The following PTGER2 variants were observed in gnomAD, a reference collection of about 807,000 sequenced individuals.
PTGER2 encodes prostaglandin E2 receptor EP2 subtype.
In PTGER2, 22 loss-of-function variants were observed where a neutral mutation model predicts 26.2. The observed-to-expected ratio is 0.84, with a 90% CI of 0.60 to 1.20. The LOEUF (loss-of-function observed/expected upper bound fraction) is 1.20, where lower values mean the gene tolerates loss of function less well. PTGER2 is among the 50% of genes most tolerant of loss of function. The pLI, the probability that PTGER2 is intolerant of heterozygous loss-of-function variation, is 0.00. For synonymous variants in PTGER2, 219 were observed against 208.9 expected, an observed-to-expected ratio of 1.05 and a Z score of -0.42; for missense variants, 458 against 475.2, an observed-to-expected ratio of 0.96 and a Z score of 0.34.
intron 1 of PTGER2, among the ~76,000 whole-genome samples, chr14:52,315,877 C>T (rs908745506): frequency 2.6e-5 from 4 of 152,190 alleles, no homozygotes; most frequent in African/African-American, 9.6e-5. Flanking sequence ...ATGTAGTACC[C>T]AACCCATAGC....
At chr14:52,327,180 G>C in intron 1 of PTGER2, 41 bp from the exon 2 acceptor site, 1 of 1,405,318 alleles carries the variant, frequency 7.1e-7, no homozygotes, top group Non-Finnish European at 1.0e-6. Flanking sequence ...CTACTGCTAC[G>C]ATGTAAAACT....
chr14:52,319,487 G>A (rs1328071494), intron 1 of PTGER2, among the ~76,000 whole-genome samples: 6 of 152,158 alleles, frequency 3.9e-5, no homozygotes, highest in African/African-American at 1.4e-4. Flanking sequence ...AATTCTGCAT[G>A]GAACCAACAA....
intron 1 of PTGER2, among the ~76,000 whole-genome samples, chr14:52,320,093 A>G (rs1199818941): frequency 6.6e-6 from 1 of 152,228 alleles, no homozygotes; most frequent in Non-Finnish European, 1.5e-5. Flanking sequence ...GTATAACCAC[A>G]ATGAACTTTG....
At chr14:52,324,556 A>G (rs1376495593) in intron 1 of PTGER2, among the ~76,000 whole-genome samples, 1 of 152,258 alleles carries the variant, frequency 6.6e-6, no homozygotes, top group Non-Finnish European at 1.5e-5. Flanking sequence ...TCTCCCAGCC[A>G]AGAAGAATTT....
chr14:52,314,439 G>C lies in PTGER2; in HGVS notation c.-110G>C. ...GTGCGGGAAGGGGGCTCTGGATTTCGGTCCCTCCCCTTTTTCCTCTGAGTC... is the reference window on the plus strand; with the variant it reads ...GTGCGGGAAGGGGGCTCTGGATTTCCGTCCCTCCCCTTTTTCCTCTGAGTC... On this transcript the variant is annotated 5_prime_UTR_variant, in exon 1 of 2. Coordinates refer to ENST00000245457, the MANE Select transcript of PTGER2 (RefSeq NM_000956.4). This position sits in a 1 kb window ranked among gnomAD's most constrained non-coding sequence, Gnocchi z 5.7. 1 of 1,231,406 alleles carries C rather than the reference G, an allele frequency of 8.1e-7. No individual in the cohort carries two copies. Among genetic ancestry groups the C allele is most frequent in the East Asian group, 2.9e-5 (1 of 34,544 alleles). 76.3% of individuals were successfully genotyped at this position (1,231,406 alleles called of 1,614,324 possible). A position where few individuals can be genotyped will look rare whatever the true frequency, so the allele number is the denominator to read the frequency against.
At position 52,328,532 on chromosome 14, in the gene PTGER2, ACT is replaced by A. The variant is rs2140042478; in HGVS notation, c.*1079_*1080del. 1 of 152,340 alleles carries A rather than the reference ACT, an allele frequency of 6.6e-6. No individual in the cohort carries two copies. Among genetic ancestry groups the A allele is most frequent in the African/African-American group, 2.4e-5 (1 of 41,596 alleles). 9.4% of individuals were successfully genotyped at this position (152,340 alleles called of 1,614,324 possible). A position where few individuals can be genotyped will look rare whatever the true frequency, so the allele number is the denominator to read the frequency against. On this transcript the variant is annotated 3_prime_UTR_variant, in exon 2 of 2. Coordinates refer to ENST00000245457, the MANE Select transcript of PTGER2 (RefSeq NM_000956.4). ...CATCAAAATATTTCAGTGAATTTGC[ACT>A]GTTTAATCATAGTTACTGTGTAAAC...
chr14:52,325,870 C>CTTT (rs2033944836), intron 1 of PTGER2, among the ~76,000 whole-genome samples: 1 of 152,206 alleles, frequency 6.6e-6, no homozygotes, highest in East Asian at 1.9e-4. Context: ...CTGCAATTTG[C>CTTT]TTTGTATATC....
intron 1 of PTGER2, among the ~76,000 whole-genome samples, chr14:52,318,688 G>A (rs1495794): frequency 0.068 from 10,374 of 152,170 alleles, 440 homozygotes; most frequent in African/African-American, 0.12. Flanking sequence ...GGAAATGGGG[G>A]AATTCAGAAA....
rs759129469 is a variant in PTGER2, at chr14:52,315,082, C to T, written c.534C>T (p.Tyr178=). Residue 178 remains tyrosine, a synonymous_variant, in exon 1 of 2, where the codon TAC becomes TAT. Coordinates refer to ENST00000245457, the MANE Select transcript of PTGER2 (RefSeq NM_000956.4). ...CSLPLLDYGQ[Y]VQYCPGTWCF... ...TGCCGCTGCTGGACTATGGGCAGTACGTCCAGTACTGCCCCGGGACCTGGT... is the reference window on the plus strand; with the variant it reads ...TGCCGCTGCTGGACTATGGGCAGTATGTCCAGTACTGCCCCGGGACCTGGT... 1.5e-5 allele frequency: 24 copies of T among 1,611,212 alleles called. No homozygotes were observed. The highest frequency in any genetic ancestry group is 3.3e-5 in the Admixed American group (2 of 59,942).
rs889589599 is a variant in PTGER2 at position 52,314,949 on chromosome 14, G to A, written c.401G>A (p.Arg134His). The A allele has an allele frequency of 3.7e-6, 6 of 1,612,972 alleles. No homozygotes were observed. The East Asian group carries it at 1.1e-4, about 30-fold the overall frequency. The change falls in exon 1 of 2, where the codon CGC (arginine) becomes CAC (histidine). Residue 134 changes from arginine (R) to histidine (H), a missense_variant. Arg to His is a conservative substitution (Grantham distance 29, BLOSUM62 0). Coordinates refer to ENST00000245457, the MANE Select transcript of PTGER2 (RefSeq NM_000956.4). This position sits in a 1 kb window ranked among gnomAD's most constrained non-coding sequence, Gnocchi z 5.7. ...MLMLFAMALE[R>H]YLSIGHPYFY... ...ATGCTCTTCGCCATGGCCCTGGAGC[G>A]CTACCTCTCGATCGGGCACCCCTAC... is the stretch of plus-strand genomic sequence containing the variant.
In PTGER2 at chr14:52,320,587, G is replaced by T. The variant is rs150720137; in HGVS notation, c.843+5196G>T. On this transcript the variant is annotated intron_variant, in intron 1 of 1. Coordinates refer to ENST00000245457, the MANE Select transcript of PTGER2 (RefSeq NM_000956.4). ...TGAACAGGTCTCTTTCCAGCTAGAGGCTTAAGACCCAGTTCATCTGCAACT... is the reference window on the plus strand; with the variant it reads ...TGAACAGGTCTCTTTCCAGCTAGAGTCTTAAGACCCAGTTCATCTGCAACT... Among the ~76,000 whole-genome samples the T allele has an allele frequency of 3.1e-3, 474 of 152,276 alleles. 4 individuals carry two copies. The highest frequency in any genetic ancestry group is 0.011 in the African/African-American group (450 of 41,554).
At chr14:52,324,647 AG>A (rs2033930725) in intron 1 of PTGER2, among the ~76,000 whole-genome samples, 2 of 152,250 alleles carry the variant, frequency 1.3e-5, no homozygotes, top group African/African-American at 2.4e-5. Flanking sequence ...TTTAATGTAT[AG>A]CTGAAAATGG....
intron 1 of PTGER2, among the ~76,000 whole-genome samples, chr14:52,315,678 C>T (rs750893185): frequency 9.2e-5 from 14 of 152,174 alleles, no homozygotes; most frequent in Non-Finnish European, 1.0e-4. Flanking sequence ...CTCATCCTAG[C>T]CCTGGGCAGT....
In PTGER2 at chr14:52,321,315, T is replaced by G. The variant is rs143571651; in HGVS notation, c.844-5906T>G. 3.2e-4 allele frequency among the ~76,000 whole-genome samples: 48 copies of G among 152,260 alleles called. 1 individual carries two copies. In the East Asian group the frequency reaches 6.9e-3, roughly 22 times the overall value. ...AGTCTATAGTCAGGACACCTTAGTG[T>G]CTTTCAGAAGGCAGGTAAACATATA... On this transcript the variant is annotated intron_variant, in intron 1 of 1. Transcript: ENST00000245457.
At position 52,314,761 on chromosome 14, in the gene PTGER2, G is replaced by A. The variant is rs1231742255; in HGVS notation, c.213G>A (p.Val71=). 4 of 1,603,670 alleles carry A rather than the reference G, an allele frequency of 2.5e-6. No homozygotes were observed. Among genetic ancestry groups the A allele is most frequent in the Admixed American group, 3.4e-5 (2 of 59,644 alleles). The part of the protein sequence containing the change: ...RSSLSLFHVL[V]TELVFTDLLG... Reference sequence around the variant, plus strand: ...CCCTCTCCTTGTTCCACGTGCTGGTGACCGAGCTGGTGTTCACCGACCTGC... The same window carrying A: ...CCCTCTCCTTGTTCCACGTGCTGGTAACCGAGCTGGTGTTCACCGACCTGC... The change falls in exon 1 of 2, where the codon GTG becomes GTA. Residue 71 remains valine, a synonymous_variant. Coordinates refer to ENST00000245457, the MANE Select transcript of PTGER2 (RefSeq NM_000956.4). The surrounding 1 kb of genome is among the most constrained non-coding windows in gnomAD (Gnocchi z 5.7).
chr14:52,317,859 A>C (rs1354650764), intron 1 of PTGER2, among the ~76,000 whole-genome samples: 1 of 152,238 alleles, frequency 6.6e-6, no homozygotes, highest in African/African-American at 2.4e-5. Context: ...ACAAAATGGA[A>C]ATTGGAAGCA....
At chr14:52,316,746 T>C (rs2033844995) in intron 1 of PTGER2, among the ~76,000 whole-genome samples, 1 of 152,204 alleles carries the variant, frequency 6.6e-6, no homozygotes, top group African/African-American at 2.4e-5. Flanking sequence ...CGTTCTCTTC[T>C]CCCTGGTCCC....
intron 1 of PTGER2, among the ~76,000 whole-genome samples, chr14:52,326,179 A>G (rs1254677581): frequency 6.6e-6 from 1 of 152,216 alleles, no homozygotes; most frequent in Non-Finnish European, 1.5e-5. Flanking sequence ...GAGGGCTGGT[A>G]GAGCAGTTTG....
In PTGER2 at chr14:52,327,760, G is replaced by T; in HGVS notation, c.*306G>T. On this transcript the variant is annotated 3_prime_UTR_variant, in exon 2 of 2. Coordinates refer to ENST00000245457, the MANE Select transcript of PTGER2 (RefSeq NM_000956.4). ...TTCCTGTTGAATGACAAAGTATGTG[G>T]TTTTGTAATTTGTTTGAAACCCCAA... 1 of 282,650 alleles carries T rather than the reference G, an allele frequency of 3.5e-6. No individual in the cohort carries two copies. Among genetic ancestry groups the T allele is most frequent in the South Asian group, 6.5e-5 (1 of 15,282 alleles). The allele number at this position is 282,650 out of a possible 1,614,324, so 17.5% of individuals were successfully genotyped here. A position where few individuals can be genotyped will look rare whatever the true frequency, so the allele number is the denominator to read the frequency against.
Sources: gnomAD v4.1 joint callset for allele counts (sites outside exome capture counted in the v4.1 genomes callset) on GRCh38, gnomAD v4.1.1 for gene constraint, Gnocchi (gnomAD v3.1) non-coding constraint, MANE v1.5 for transcripts, NCBI Gene and HGNC (gene_info 2026-07-23, HGNC 2026-07-21) for gene names.